DPP6: variants seen among roughly 807,000 people sequenced by gnomAD.
DPP6 encodes A-type potassium channel modulatory protein DPP6.
In DPP6, 69 loss-of-function variants were observed where a neutral mutation model predicts 122.6. That is an observed-to-expected ratio of 0.56 (90% confidence interval 0.46 to 0.69). The LOEUF (loss-of-function observed/expected upper bound fraction) is 0.69. DPP6 is among the 30% of genes least tolerant of loss of function. DPP6 has a pLI of 0.00. For synonymous variants in DPP6, 418 were observed against 433.1 expected (o/e 0.97, Z 0.43); for missense variants, 928 against 1,116.9 (o/e 0.83, Z 2.41).
chr7:153,793,803 G>T, the DPP6 span, among the ~76,000 whole-genome samples: 6 of 152,098 alleles, frequency 3.9e-5, no homozygotes, highest in Non-Finnish European at 8.8e-5. Context: ...ACTGTGTGCA[G>T]CCTAGGGACT....
rs999568523 is a variant in DPP6 at position 154,307,319 on chromosome 7, G to A, written c.244-138895G>A. Among the ~76,000 whole-genome samples the A allele has an allele frequency of 1.1e-4, 17 of 152,052 alleles. 1 individual carries two copies. Among genetic ancestry groups the A allele is most frequent in the South Asian group, 4.1e-4 (2 of 4,822 alleles). On this transcript the variant is annotated intron_variant, in intron 1 of 25. Coordinates refer to ENST00000377770, the MANE Select transcript of DPP6 (RefSeq NM_130797.4). ...CCCATGTCCTTGAACCTATTCAATC[G>A]GAGAAGGCTTAAACTGATATAAAAC...
chr7:153,853,108 AGAG>A, the DPP6 span, among the ~76,000 whole-genome samples: 4 of 152,212 alleles, frequency 2.6e-5, no homozygotes, highest in Admixed American at 6.5e-5. Flanking sequence ...CAAAAGGAAA[AGAG>A]GAATCACAGA....
At chr7:154,233,466 AG>A (rs1218467907) in intron 1 of DPP6, among the ~76,000 whole-genome samples, 1 of 152,202 alleles carries the variant, frequency 6.6e-6, no homozygotes, top group African/African-American at 2.4e-5. Context: ...GTATTTGACT[AG>A]GGGTCTTTAC....
chr7:154,282,406 G>C lies in DPP6; in HGVS notation c.244-163808G>C, dbSNP rs1226987610. Among the ~76,000 whole-genome samples, 1 of 152,136 alleles carries C rather than the reference G, an allele frequency of 6.6e-6. No individual in the cohort carries two copies. Among genetic ancestry groups the C allele is most frequent in the Admixed American group, 6.5e-5 (1 of 15,272 alleles). On this transcript the variant is annotated intron_variant, in intron 1 of 25. Transcript: ENST00000377770. This position sits in a 1 kb window ranked among gnomAD's most constrained non-coding sequence, Gnocchi z 4.8. ...AACTGAGCAGAGGCAGCCGTACCTG[G>C]GGTGCTGATTAGCACTGTGCAATGT...
chr7:153,923,172 G>A (rs1311112682), intron 1 of DPP6, among the ~76,000 whole-genome samples: 1 of 152,190 alleles, frequency 6.6e-6, no homozygotes, highest in Non-Finnish European at 1.5e-5. Flanking sequence ...TTGAGATTAA[G>A]CAGGCACTGA....
At chr7:154,466,654 A>G (rs924715627) in intron 2 of DPP6, among the ~76,000 whole-genome samples, 4 of 152,184 alleles carry the variant, frequency 2.6e-5, no homozygotes, top group African/African-American at 9.7e-5. Flanking sequence ...GCTATCTCCA[A>G]ATAGAATCAC....
the DPP6 span, among the ~76,000 whole-genome samples, chr7:153,877,625 C>G: frequency 6.6e-6 from 1 of 152,050 alleles, no homozygotes; most frequent in Non-Finnish European, 1.5e-5. Flanking sequence ...TTATGTCATG[C>G]ATGATTGCAT....
the DPP6 span, among the ~76,000 whole-genome samples, chr7:153,772,968 A>G: frequency 1.4e-5 from 1 of 69,414 alleles, no homozygotes; most frequent in African/African-American, 7.3e-5. Context: ...TATATAAAAG[A>G]AAAGACTTAT....
intron 1 of DPP6, among the ~76,000 whole-genome samples, chr7:154,410,992 A>G (rs1816547746): frequency 1.3e-5 from 2 of 152,214 alleles, no homozygotes; most frequent in South Asian, 2.1e-4. Flanking sequence ...TGGGCCAAGA[A>G]TGTTCCCTGC....
intron 1 of DPP6, among the ~76,000 whole-genome samples, chr7:153,998,992 T>A (rs1797568300): frequency 6.6e-6 from 1 of 152,224 alleles, no homozygotes; most frequent in Non-Finnish European, 1.5e-5. Context: ...TCTGTGAGAC[T>A]CTCAAGTGAC....
chr7:154,889,882 T>A, intron 25 of DPP6: 1 of 277,580 alleles, frequency 3.6e-6, no homozygotes, highest in East Asian at 8.8e-5. Context: ...AGAGTGGGAC[T>A]GTTGTTCTGG....
upstream of DPP6, among the ~76,000 whole-genome samples, chr7:154,052,113 GGGGC>G (rs367576790): frequency 0.5 from 73,566 of 148,164 alleles, 18,997 homozygotes; most frequent in South Asian, 0.64. The surrounding 1 kb of genome is among the most constrained non-coding windows in gnomAD (Gnocchi z 4.8). Flanking sequence ...CGCGTGCTGC[GGGGC>G]ACTCGCAGCA....
chr7:154,873,893 C>T (rs989765448), intron 19 of DPP6, among the ~76,000 whole-genome samples: 5 of 150,492 alleles, frequency 3.3e-5, no homozygotes, highest in Non-Finnish European at 5.9e-5. Context: ...TGCACACACA[C>T]GCACCCACAC....
intron 1 of DPP6, among the ~76,000 whole-genome samples, chr7:154,363,454 T>C (rs1811902005): frequency 6.6e-6 from 1 of 151,996 alleles, no homozygotes; most frequent in African/African-American, 2.4e-5. Context: ...TATAAAAAGG[T>C]TCAAAGTTGT....
chr7:154,268,812 T>C (rs1003524029), intron 1 of DPP6, among the ~76,000 whole-genome samples: 2 of 151,858 alleles, frequency 1.3e-5, no homozygotes, highest in Non-Finnish European at 2.9e-5. Flanking sequence ...AATTTTTATC[T>C]CAATAACCTG....
chr7:153,798,221 C>G, the DPP6 span, among the ~76,000 whole-genome samples: 1 of 152,172 alleles, frequency 6.6e-6, no homozygotes, highest in African/African-American at 2.4e-5. Flanking sequence ...AATTACTTCC[C>G]AAAGGCCCCA....
At chr7:154,063,555 G>A (rs1802403201) in intron 1 of DPP6, among the ~76,000 whole-genome samples, 1 of 125,708 alleles carries the variant, frequency 8.0e-6, no homozygotes, top group Admixed American at 8.4e-5. Context: ...TGGGGACTGA[G>A]AGCTATCCCC....
At position 154,892,526 on chromosome 7, in the gene DPP6, T is replaced by G. The variant is rs1806706714; in HGVS notation, c.*46T>G. The G allele has an allele frequency of 6.6e-7, 1 of 1,518,832 alleles. No individual in the cohort carries two copies. The highest frequency in any genetic ancestry group is 1.4e-5 in the African/African-American group (1 of 72,038). 94.1% of individuals were successfully genotyped at this position (1,518,832 alleles called of 1,614,324 possible). ...AAACGTGGCTCTTTCTACAACCAGA[T>G]GCAACCGAGGGATTTCCCTGCCCTC... On this transcript the variant is annotated 3_prime_UTR_variant, in exon 26 of 26. Transcript: ENST00000377770.
At chr7:153,750,873 A>G in the DPP6 span, among the ~76,000 whole-genome samples, 1 of 152,218 alleles carries the variant, frequency 6.6e-6, no homozygotes, top group Non-Finnish European at 1.5e-5. Flanking sequence ...AGAAGGAAAA[A>G]AAATATTCAG....
Sources: allele counts gnomAD v4.1 joint callset (sites outside exome capture counted in the v4.1 genomes callset), GRCh38; gene constraint gnomAD v4.1.1; non-coding constraint Gnocchi (gnomAD v3.1); transcripts MANE v1.5; gene names NCBI Gene and HGNC (gene_info 2026-07-23, HGNC 2026-07-21).